GRK4: variants seen among roughly 807,000 people sequenced by gnomAD.
GRK4 encodes the protein G protein-coupled receptor kinase 4.
Under a neutral mutation model 77.9 loss-of-function variants are expected in GRK4, and 73 were observed. The observed-to-expected ratio is 0.94, with a 90% CI of 0.78 to 1.14. The LOEUF is 1.14. Among genes scored for constraint, GRK4 ranks in the 50% most tolerant of loss-of-function variants. The pLI is 0.00. For synonymous variants in GRK4, 257 were observed against 254.4 expected (o/e 1.01, Z -0.10); for missense variants, 729 against 700.2 (o/e 1.04, Z -0.46).
chr4:3,017,595 G>A (rs1734911489), intron 8 of GRK4, among the ~76,000 whole-genome samples: 1 of 152,190 alleles, frequency 6.6e-6, no homozygotes, highest in African/African-American at 2.4e-5. Context: ...GTTTAATTCT[G>A]TGGTCTGTTG....
intron 1 of GRK4, chr4:2,965,167 TGGA>T: frequency 1.6e-6 from 1 of 640,502 alleles, no homozygotes; most frequent in Non-Finnish European, 2.8e-6. Flanking sequence ...CTCAGCTTTT[TGGA>T]TGTGAATCCA....
intron 12 of GRK4, among the ~76,000 whole-genome samples, chr4:3,034,996 G>T (rs182793274): frequency 2.0e-5 from 3 of 152,086 alleles, no homozygotes; most frequent in East Asian, 1.9e-4. Context: ...GGTGGCTCAC[G>T]ACTGTAATCC....
intron 3 of GRK4, 22 bp downstream of exon 3, chr4:2,988,861 T>C (rs1204118698): frequency 7.3e-7 from 1 of 1,367,814 alleles, no homozygotes; most frequent in East Asian, 2.3e-5. Flanking sequence ...ATCTCCATAT[T>C]GAGCAACCAC....
chr4:2,993,875 G>A (rs913724857), intron 4 of GRK4, among the ~76,000 whole-genome samples: 4 of 152,204 alleles, frequency 2.6e-5, no homozygotes, highest in Non-Finnish European at 5.9e-5. Flanking sequence ...TGTGGAGAAT[G>A]GAATTAGTGA....
chr4:3,017,427 C>T lies in GRK4; in HGVS notation c.742-2214C>T, dbSNP rs554862913. On this transcript the variant is annotated intron_variant, in intron 8 of 15. Transcript: ENST00000398052. ...TAGGACAGAGCTCCTCAGGGCCATGCTCACCACTGCATCCCAGCTGCCCAC... is the reference window on the plus strand; with the variant it reads ...TAGGACAGAGCTCCTCAGGGCCATGTTCACCACTGCATCCCAGCTGCCCAC... 2.6e-5 allele frequency among the ~76,000 whole-genome samples: 4 copies of T among 152,352 alleles called. No homozygotes were observed. In the South Asian group the frequency reaches 8.3e-4, roughly 32 times the overall value.
rs1735522156 is a variant in GRK4 at position 3,019,641 on chromosome 4, G to A, written c.742G>A (p.Val248Ile). The A allele has an allele frequency of 6.2e-7, 1 of 1,606,506 alleles. No homozygotes were observed. Among genetic ancestry groups the A allele is most frequent in the African/African-American group, 1.3e-5 (1 of 74,598 alleles). ...ILEKVQSRFV[V>I]SLAYAYETKD... ...GTTTTTATGATGTTGCTGTCTTTAG[G>A]TTAGTTTAGCCTACGCTTATGAAAC... is the stretch of plus-strand genomic sequence containing the variant. The change falls in exon 9 of 16, where the codon GTT becomes ATT. Residue 248 changes from valine to isoleucine, a missense_variant and splice_region_variant. Coordinates refer to ENST00000398052, the MANE Select transcript of GRK4 (RefSeq NM_182982.3).
chr4:2,970,030 T>A (rs915203785), intron 1 of GRK4, among the ~76,000 whole-genome samples: 2 of 152,242 alleles, frequency 1.3e-5, no homozygotes, highest in African/African-American at 4.8e-5. Context: ...GAAAGAGTTA[T>A]AAACTTAGTA....
At chr4:3,031,884 C>G (rs901524108) in intron 12 of GRK4, among the ~76,000 whole-genome samples, 4 of 152,166 alleles carry the variant, frequency 2.6e-5, no homozygotes, top group African/African-American at 7.2e-5. Flanking sequence ...GCATTCCTAG[C>G]AGCTGTGCCT....
chr4:3,032,973 C>T (rs1043171247), intron 12 of GRK4, among the ~76,000 whole-genome samples: 8 of 152,136 alleles, frequency 5.3e-5, no homozygotes, highest in African/African-American at 1.9e-4. Flanking sequence ...TGACAGAATC[C>T]CTTAGACTGA....
chr4:3,004,471 T>C (rs566903478), intron 5 of GRK4, 137 bp downstream of exon 5: 259 of 559,852 alleles, frequency 4.6e-4, no homozygotes, highest in Non-Finnish European at 7.4e-4. Flanking sequence ...TTAGGGACGC[T>C]GACACCACCC....
chr4:2,963,849 C>A lies in GRK4; in HGVS notation c.-222C>A. 1.7e-6 allele frequency: 1 copy of A among 581,124 alleles called. No individual in the cohort carries two copies. Among genetic ancestry groups the A allele is most frequent in the South Asian group, 2.1e-5 (1 of 48,576 alleles). The allele number at this position is 581,124 out of a possible 1,614,324, so 36.0% of individuals were successfully genotyped here. On this transcript the variant is annotated 5_prime_UTR_variant, in exon 1 of 16. Coordinates refer to ENST00000398052, the MANE Select transcript of GRK4 (RefSeq NM_182982.3). ...CCGCGGTCGGGCTGCCCCCTCCCCTCGCCCCGACCGCTCCCCTGCTGGTGA... is the reference window on the plus strand; with the variant it reads ...CCGCGGTCGGGCTGCCCCCTCCCCTAGCCCCGACCGCTCCCCTGCTGGTGA...
In GRK4 at chr4:3,011,685, C is replaced by T. The variant is rs34094691; in HGVS notation, c.600+1974C>T. On this transcript the variant is annotated intron_variant, in intron 7 of 15. Coordinates refer to ENST00000398052, the MANE Select transcript of GRK4 (RefSeq NM_182982.3). ...GCTTGCCCTCATGCGGGGACAGCCT[C>T]GGTGCCCTTTAATCCAGATTCTAAT... Among the ~76,000 whole-genome samples the T allele has an allele frequency of 6.0e-3, 921 of 152,286 alleles. 8 individuals are homozygous for T. The highest frequency in any genetic ancestry group is 0.02 in the South Asian group (98 of 4,826).
intron 12 of GRK4, among the ~76,000 whole-genome samples, chr4:3,030,836 C>T (rs1402660324): frequency 1.3e-5 from 2 of 152,190 alleles, no homozygotes; most frequent in Admixed American, 1.3e-4. Context: ...GTGTTGCTTC[C>T]TCTGATGGCC....
intron 4 of GRK4, among the ~76,000 whole-genome samples, chr4:2,994,185 A>C (rs1384850317): frequency 6.6e-6 from 1 of 152,158 alleles, no homozygotes; most frequent in Non-Finnish European, 1.5e-5. Flanking sequence ...TAGAAGTTTC[A>C]TTTATCTAGT....
chr4:2,985,035 C>T (rs1723877038), intron 2 of GRK4, among the ~76,000 whole-genome samples: 1 of 152,140 alleles, frequency 6.6e-6, no homozygotes, highest in Non-Finnish European at 1.5e-5. Context: ...TCCCCATGAC[C>T]GAGCCAATTA....
rs192026851 is a variant in GRK4 at position 3,017,518 on chromosome 4, A to C, written c.742-2123A>C. 2.6e-5 allele frequency among the ~76,000 whole-genome samples: 4 copies of C among 152,328 alleles called. No homozygotes were observed. In the East Asian group the frequency reaches 7.7e-4, roughly 29 times the overall value. ...ATATATATTAAGCAGATGTTGAATG[A>C]ATATTCACAAGAGGAGAGAAAGTAA... On this transcript the variant is annotated intron_variant, in intron 8 of 15. Coordinates refer to ENST00000398052, the MANE Select transcript of GRK4 (RefSeq NM_182982.3).
intron 8 of GRK4, among the ~76,000 whole-genome samples, chr4:3,018,899 T>G (rs1438290263): frequency 6.6e-6 from 1 of 151,914 alleles, no homozygotes; most frequent in Non-Finnish European, 1.5e-5. Flanking sequence ...AGAAAGAAGG[T>G]CTAAATAAAT....
chr4:2,970,770 C>T (rs929235331), intron 1 of GRK4, among the ~76,000 whole-genome samples: 3 of 151,920 alleles, frequency 2.0e-5, no homozygotes, highest in South Asian at 2.1e-4. Flanking sequence ...CCCAGGTTCA[C>T]GCCATTCTCC....
chr4:2,967,884 G>A (rs780500518), intron 1 of GRK4, among the ~76,000 whole-genome samples: 1 of 151,914 alleles, frequency 6.6e-6, no homozygotes, highest in Non-Finnish European at 1.5e-5. Context: ...TCTGCCTCCC[G>A]GGTTCAAGAA....
Sources: allele counts gnomAD v4.1 joint callset (sites outside exome capture counted in the v4.1 genomes callset), GRCh38; gene constraint gnomAD v4.1.1; transcripts MANE v1.5; gene names NCBI Gene and HGNC (gene_info 2026-07-23, HGNC 2026-07-21).